The following PWWP2A variants were observed in gnomAD, a reference collection of about 807,000 sequenced individuals.
The protein encoded by PWWP2A is PWWP domain containing 2A.
In PWWP2A, 18 loss-of-function variants were observed where a neutral mutation model predicts 48.5. That is an observed-to-expected ratio of 0.37 (90% CI 0.26 to 0.55). PWWP2A has a LOEUF of 0.55. PWWP2A is among the 20% of genes least tolerant of loss of function. The pLI, the probability that PWWP2A is intolerant of heterozygous loss-of-function variation, is 0.81. For synonymous variants in PWWP2A, 396 were observed against 387.7 expected, an observed-to-expected ratio of 1.02 and a Z score of -0.25; for missense variants, 867 against 976.4, an observed-to-expected ratio of 0.89 and a Z score of 1.49.
chr5:160,056,134 T>C, the PWWP2A span, among the ~76,000 whole-genome samples: 10,920 of 152,246 alleles, frequency 0.072, 468 homozygotes, highest in East Asian at 0.12. Context: ...CCTAGAGCAG[T>C]TACTTGAAAC....
At chr5:160,072,183 A>T (rs754564475), downstream of PWWP2A, among the ~76,000 whole-genome samples, 3 of 152,174 alleles carry the variant, frequency 2.0e-5, no homozygotes, top group Non-Finnish European at 4.4e-5. Flanking sequence ...ATTTGCAATC[A>T]CTTCCTCCTG....
the PWWP2A span, among the ~76,000 whole-genome samples, chr5:160,047,900 A>G: frequency 6.6e-6 from 1 of 152,098 alleles, no homozygotes; most frequent in African/African-American, 2.4e-5. Context: ...TTTTCATTAT[A>G]GTACTATGGC....
chr5:160,073,229 CT>C (rs749893279), downstream of PWWP2A, among the ~76,000 whole-genome samples: 10,114 of 37,124 alleles, frequency 0.27, 422 homozygotes, highest in East Asian at 0.37. Flanking sequence ...AAAAACATTT[CT>C]TTTTTTTTTT....
the PWWP2A span, among the ~76,000 whole-genome samples, chr5:160,051,666 A>C: frequency 2.0e-5 from 3 of 152,222 alleles, no homozygotes; most frequent in African/African-American, 7.2e-5. Context: ...AAGAGAAATC[A>C]GACTGGGGGT....
intron 1 of PWWP2A, 112 bp from the exon 2 acceptor site, chr5:160,094,177 T>C (rs1755375469): frequency 7.9e-7 from 1 of 1,265,262 alleles, no homozygotes; most frequent in Non-Finnish European, 1.0e-6. Flanking sequence ...CCGAAAACTA[T>C]TTCATATTAA....
At chr5:160,056,191 C>T in the PWWP2A span, among the ~76,000 whole-genome samples, 1 of 152,196 alleles carries the variant, frequency 6.6e-6, no homozygotes, top group Non-Finnish European at 1.5e-5. Context: ...CAGGGCATTG[C>T]CCCAGTAATC....
In PWWP2A at chr5:160,077,486, C is replaced by G. The variant is rs1170533466; in HGVS notation, c.*669G>C. ...AAATACTAGTGGCAAATAAATATAT[C>G]TTAATATGTTCTAACAAGCAAACAT... On this transcript the variant is annotated 3_prime_UTR_variant, in exon 4 of 4. Coordinates refer to the PWWP2A transcript ENST00000456329. This position sits in a 1 kb window ranked among gnomAD's most constrained non-coding sequence, Gnocchi z 4.2. 6.6e-6 allele frequency: 1 copy of G among 152,146 alleles called. No homozygotes were observed. Among genetic ancestry groups the G allele is most frequent in the Admixed American group, 6.5e-5 (1 of 15,280 alleles). The allele number at this position is 152,146 out of a possible 1,614,324, so 9.4% of individuals were successfully genotyped here. A position where few individuals can be genotyped will look rare whatever the true frequency, so the allele number is the denominator to read the frequency against.
intron 1 of PWWP2A, among the ~76,000 whole-genome samples, chr5:160,110,714 A>T (rs1017959905): frequency 6.6e-6 from 1 of 151,694 alleles, no homozygotes; most frequent in Non-Finnish European, 1.5e-5. Context: ...CTCAAAATGA[A>T]ATAAAATAAA....
chr5:160,090,841 T>C, downstream of PWWP2A: 2 of 984,542 alleles, frequency 2.0e-6, no homozygotes, highest in Non-Finnish European at 2.4e-6. Context: ...TGAGATAAAC[T>C]TGCCTCCACA....
At chr5:160,111,468 CTTTT>C (rs1181389093) in intron 1 of PWWP2A, among the ~76,000 whole-genome samples, 1 of 147,600 alleles carries the variant, frequency 6.8e-6, no homozygotes, top group Non-Finnish European at 1.5e-5. Flanking sequence ...GCGCCTGGCA[CTTTT>C]TTTTTTTCTT....
chr5:160,113,448 A>C (rs1757795032), intron 1 of PWWP2A: 1 of 433,346 alleles, frequency 2.3e-6, no homozygotes, highest in Non-Finnish European at 3.1e-6. Flanking sequence ...TTTTCCACAC[A>C]GTAGACAGCT....
At chr5:160,103,240 G>A (rs1756498746) in intron 1 of PWWP2A, among the ~76,000 whole-genome samples, 1 of 152,102 alleles carries the variant, frequency 6.6e-6, no homozygotes, top group Non-Finnish European at 1.5e-5. Context: ...AGCTAAAAAA[G>A]TGTTTTTTAA....
chr5:160,060,372 C>G (rs10065759), downstream of PWWP2A, among the ~76,000 whole-genome samples: 91,661 of 152,060 alleles, frequency 0.6, 27,624 homozygotes, highest in East Asian at 0.62. Context: ...CAACTGAACC[C>G]AGTGGCAAGC....
At chr5:160,079,948 C>T (rs1469864154) in intron 3 of PWWP2A, among the ~76,000 whole-genome samples, 2 of 152,212 alleles carry the variant, frequency 1.3e-5, no homozygotes, top group Non-Finnish European at 2.9e-5. Context: ...GAGGGTTAAA[C>T]AGCCTTACTT....
chr5:160,115,738 C>T (rs1353583472), intron 1 of PWWP2A, among the ~76,000 whole-genome samples: 1 of 151,710 alleles, frequency 6.6e-6, no homozygotes, highest in Non-Finnish European at 1.5e-5. Flanking sequence ...GTGGTATGCG[C>T]TTGTAGTCCC....
At chr5:160,049,658 G>C in the PWWP2A span, 1 of 1,574,510 alleles carries the variant, frequency 6.4e-7, no homozygotes, top group East Asian at 2.3e-5. Context: ...AGAGAAGCTT[G>C]TATGGTAAAA....
chr5:160,079,584 T>C (rs1208824949), intron 3 of PWWP2A, among the ~76,000 whole-genome samples: 1 of 152,196 alleles, frequency 6.6e-6, no homozygotes. Context: ...TCCCATTTTA[T>C]AAACTGAAGG....
intron 1 of PWWP2A, among the ~76,000 whole-genome samples, chr5:160,098,038 T>C (rs1473530917): frequency 1.3e-5 from 2 of 152,166 alleles, no homozygotes; most frequent in African/African-American, 4.8e-5. Context: ...TTAGGCTCCT[T>C]CCCATGTCTT....
Position 160,094,085 on chromosome 5 carries a change from A to G in PWWP2A, c.585-20T>C. 6.4e-7 allele frequency: 1 copy of G among 1,554,906 alleles called. No homozygotes were observed. Among genetic ancestry groups the G allele is most frequent in the Non-Finnish European group, 8.7e-7 (1 of 1,147,546 alleles). On this transcript the variant is annotated intron_variant, in intron 1 of 1. Coordinates refer to ENST00000307063, the MANE Select transcript of PWWP2A (RefSeq NM_001130864.2). ...CCAAACCTTTGAAAGAAATGGAAGA[A>G]AAAAAGAAGACATTAAGTTAACATC...
Sources: gnomAD v4.1 joint callset for allele counts (sites outside exome capture counted in the v4.1 genomes callset) on GRCh38, gnomAD v4.1.1 for gene constraint, Gnocchi (gnomAD v3.1) non-coding constraint, MANE v1.5 for transcripts, NCBI Gene and HGNC (gene_info 2026-07-23, HGNC 2026-07-21) for gene names.